The following LRRTM4 variants were observed in gnomAD, a reference collection of about 807,000 sequenced individuals.
LRRTM4 encodes leucine-rich repeat transmembrane neuronal protein 4.
A neutral mutation model predicts 47.6 loss-of-function variants in LRRTM4; 25 were observed. That is an observed-to-expected ratio of 0.53 (90% CI 0.38 to 0.73). The LOEUF (loss-of-function observed/expected upper bound fraction) is 0.73. Among genes scored for constraint, LRRTM4 ranks in the 30% least tolerant of loss-of-function variants. The pLI, the probability that LRRTM4 is intolerant of heterozygous loss-of-function variation, is 0.00. For synonymous variants in LRRTM4, 311 were observed against 269.5 expected (o/e 1.15, Z -1.51); for missense variants, 638 against 713.4 (o/e 0.89, Z 1.20).
At chr2:77,322,849 CTT>C (rs147191730) in intron 3 of LRRTM4, among the ~76,000 whole-genome samples, 3 of 150,684 alleles carry the variant, frequency 2.0e-5, no homozygotes, top group South Asian at 2.1e-4. Context: ...CTCTCTCTCT[CTT>C]TCTTCCACCC....
At chr2:76,904,901 C>T (rs980335825) in intron 3 of LRRTM4, among the ~76,000 whole-genome samples, 2 of 152,056 alleles carry the variant, frequency 1.3e-5, no homozygotes, top group Non-Finnish European at 2.9e-5. Flanking sequence ...GCCAAGATGG[C>T]CAAATAGGAA....
chr2:77,116,895 C>T (rs981368997), intron 3 of LRRTM4, among the ~76,000 whole-genome samples: 10 of 152,000 alleles, frequency 6.6e-5, no homozygotes, highest in Non-Finnish European at 1.2e-4. Flanking sequence ...CAATCAATAT[C>T]AATCACTTTA....
chr2:77,066,099 A>G (rs1000503853), intron 3 of LRRTM4, among the ~76,000 whole-genome samples: 9 of 152,318 alleles, frequency 5.9e-5, no homozygotes, highest in East Asian at 1.9e-4. Flanking sequence ...GGATTTTACA[A>G]TGTGAATACT....
intron 3 of LRRTM4, among the ~76,000 whole-genome samples, chr2:76,780,032 G>T (rs1343116833): frequency 2.6e-5 from 4 of 152,210 alleles, no homozygotes; most frequent in Admixed American, 2.6e-4. Context: ...GCTTAGTTTG[G>T]CTGGATATGC....
At chr2:76,875,237 G>T (rs561279995) in intron 3 of LRRTM4, among the ~76,000 whole-genome samples, 1 of 152,032 alleles carries the variant, frequency 6.6e-6, no homozygotes, top group Non-Finnish European at 1.5e-5. Flanking sequence ...CATTTCTGTG[G>T]TAAGATTTAA....
chr2:77,141,542 G>C (rs554096950), intron 3 of LRRTM4, among the ~76,000 whole-genome samples: 15 of 152,076 alleles, frequency 9.9e-5, no homozygotes, highest in Non-Finnish European at 1.9e-4. Flanking sequence ...AATGGGTGCA[G>C]CACACCAACA....
chr2:76,773,996 A>G (rs1673837441), intron 3 of LRRTM4, among the ~76,000 whole-genome samples: 2 of 152,114 alleles, frequency 1.3e-5, no homozygotes, highest in Admixed American at 6.6e-5. Context: ...TCTTTGAACA[A>G]TGTGCGGATG....
intron 3 of LRRTM4, among the ~76,000 whole-genome samples, chr2:76,837,119 T>C (rs907621484): frequency 1.3e-5 from 2 of 152,172 alleles, no homozygotes; most frequent in Non-Finnish European, 2.9e-5. Flanking sequence ...TGGGAGACTG[T>C]ATGTGTCGAG....
chr2:76,787,992 TTTAACAAAG>T (rs2104189967), intron 3 of LRRTM4, among the ~76,000 whole-genome samples: 1 of 152,286 alleles, frequency 6.6e-6, no homozygotes, highest in African/African-American at 2.4e-5. Context: ...AAATATTTTA[TTTAACAAAG>T]TTAATATATG....
At position 77,478,214 on chromosome 2, in the gene LRRTM4, T is replaced by C. The variant is rs886264248; in HGVS notation, c.1551+40104A>G. Among the ~76,000 whole-genome samples, 5 of 152,218 alleles carry C rather than the reference T, an allele frequency of 3.3e-5. No individual in the cohort carries two copies. In the East Asian group the frequency reaches 5.8e-4, roughly 18 times the overall value. On this transcript the variant is annotated intron_variant, in intron 3 of 3. Coordinates refer to ENST00000409884, the MANE Select transcript of LRRTM4 (RefSeq NM_001134745.3). ...TTGATCAGAACTTGTTTGGAGACAA[T>C]GGGGACACACCATTTCAAATTTTAT...
chr2:76,781,086 C>T (rs1573092005), intron 3 of LRRTM4, among the ~76,000 whole-genome samples: 1 of 145,592 alleles, frequency 6.9e-6, no homozygotes, highest in East Asian at 1.9e-4. Flanking sequence ...GTCAGGGACC[C>T]ACTTGAGGAG....
At chr2:76,847,856 G>A (rs1034216431) in intron 3 of LRRTM4, among the ~76,000 whole-genome samples, 1 of 152,100 alleles carries the variant, frequency 6.6e-6, no homozygotes, top group African/African-American at 2.4e-5. Flanking sequence ...ATAAGAAAGT[G>A]ACATGCTAAA....
At chr2:76,861,276 G>C (rs1357302967) in intron 3 of LRRTM4, among the ~76,000 whole-genome samples, 2 of 152,082 alleles carry the variant, frequency 1.3e-5, no homozygotes, top group South Asian at 2.1e-4. Flanking sequence ...GAATGCAGAA[G>C]ACTATAAAAC....
intron 3 of LRRTM4, among the ~76,000 whole-genome samples, chr2:77,372,790 G>T (rs564091408): frequency 6.6e-6 from 1 of 151,568 alleles, no homozygotes; most frequent in Admixed American, 6.6e-5. Context: ...TGTGTGTTTG[G>T]TCTTTTGGGG....
At chr2:77,245,205 A>ATTTT (rs1432377201) in intron 3 of LRRTM4, among the ~76,000 whole-genome samples, 48 of 103,752 alleles carry the variant, frequency 4.6e-4, no homozygotes, top group African/African-American at 1.6e-3. Flanking sequence ...AACAGATAGA[A>ATTTT]ATAATACTTT....
At chr2:76,839,522 C>T (rs998215324) in intron 3 of LRRTM4, among the ~76,000 whole-genome samples, 1 of 152,010 alleles carries the variant, frequency 6.6e-6, no homozygotes, top group African/African-American at 2.4e-5. Context: ...ATTTTCAAAT[C>T]TATTAAGCCT....
At chr2:77,406,537 A>C (rs968598321) in intron 3 of LRRTM4, among the ~76,000 whole-genome samples, 2 of 152,158 alleles carry the variant, frequency 1.3e-5, no homozygotes, top group Admixed American at 6.6e-5. Flanking sequence ...CCTGGGTTCA[A>C]GTTATCCTCC....
chr2:76,753,108 G>T (rs1237970484), intron 3 of LRRTM4, among the ~76,000 whole-genome samples: 1 of 152,106 alleles, frequency 6.6e-6, no homozygotes, highest in African/African-American at 2.4e-5. Flanking sequence ...ACATTAAATT[G>T]TTCTTTCATT....
intron 3 of LRRTM4, among the ~76,000 whole-genome samples, chr2:77,129,718 C>T (rs983666093): frequency 6.6e-6 from 1 of 152,138 alleles, no homozygotes; most frequent in Non-Finnish European, 1.5e-5. Context: ...CATTCAGAAG[C>T]CTTTTCATTC....
Sources: gnomAD v4.1 joint callset for allele counts (sites outside exome capture counted in the v4.1 genomes callset) on GRCh38, gnomAD v4.1.1 for gene constraint, MANE v1.5 for transcripts, NCBI Gene and HGNC (gene_info 2026-07-23, HGNC 2026-07-21) for gene names.